AGMO: variants seen among roughly 807,000 people sequenced by gnomAD.
The protein encoded by AGMO is glyceryl-ether monooxygenase.
Under a neutral mutation model 60.2 loss-of-function variants are expected in AGMO, and 75 were observed. The ratio of observed to expected loss-of-function variants is 1.25; its 90% confidence interval spans 1.03 to 1.51. The LOEUF is 1.51. Ranked by LOEUF, AGMO falls within the 40% of genes most tolerant of loss-of-function variation. The probability of loss-of-function intolerance (pLI) is 0.00; values close to 1 mark genes in which losing one functional copy is unlikely to be tolerated. For synonymous variants in AGMO, 261 were observed against 177.1 expected (o/e 1.47, Z -3.76); for missense variants, 763 against 525.5 (o/e 1.45, Z -4.42).
chr7:15,198,223 G>GAGAGAGAGAGAGAC (rs1781173808), downstream of AGMO, among the ~76,000 whole-genome samples: 1 of 111,616 alleles, frequency 9.0e-6, no homozygotes, highest in African/African-American at 4.3e-5. Flanking sequence ...GAGAGAGAGA[G>GAGAGAGAGAGAGAC]AGAGAGAGAG....
intron 12 of AGMO, among the ~76,000 whole-genome samples, chr7:15,347,279 G>A (rs2128552317): frequency 6.6e-6 from 1 of 152,056 alleles, no homozygotes; most frequent in South Asian, 2.1e-4. Flanking sequence ...CGTGTAACTG[G>A]CCAACAAACT....
At chr7:15,372,766 A>G (rs1312897107) in intron 10 of AGMO, among the ~76,000 whole-genome samples, 1 of 152,116 alleles carries the variant, frequency 6.6e-6, no homozygotes, top group Non-Finnish European at 1.5e-5. Context: ...CATTTAATTT[A>G]CTCCCATTTC....
At chr7:15,325,539 C>T (rs1781311540) in intron 12 of AGMO, among the ~76,000 whole-genome samples, 1 of 152,012 alleles carries the variant, frequency 6.6e-6, no homozygotes, top group South Asian at 2.1e-4. Flanking sequence ...CATTACACAC[C>T]TATACATGCA....
At position 15,508,100 on chromosome 7, in the gene AGMO, C is replaced by T. The variant is rs139842243; in HGVS notation, c.409+36672G>A. Reference sequence around the variant, plus strand: ...TAAAATAGCACCAAAAGGGAGTTTCCGGAGAGGAAAATTATTCCAGATGAG... The same window carrying T: ...TAAAATAGCACCAAAAGGGAGTTTCTGGAGAGGAAAATTATTCCAGATGAG... On this transcript the variant is annotated intron_variant, in intron 3 of 12. Coordinates refer to ENST00000342526, the MANE Select transcript of AGMO (RefSeq NM_001004320.2). Among the ~76,000 whole-genome samples the T allele has an allele frequency of 3.2e-4, 49 of 151,896 alleles. No individual in the cohort carries two copies. In the East Asian group the frequency reaches 6.8e-3, roughly 21 times the overall value.
At chr7:15,176,641 C>T in the AGMO span, among the ~76,000 whole-genome samples, 2 of 151,818 alleles carry the variant, frequency 1.3e-5, no homozygotes, top group African/African-American at 2.4e-5. Context: ...AATTAATTAA[C>T]ACATCCTTCA....
At chr7:15,418,158 G>C (rs906584381) in intron 5 of AGMO, among the ~76,000 whole-genome samples, 4 of 151,902 alleles carry the variant, frequency 2.6e-5, no homozygotes, top group African/African-American at 7.2e-5. Flanking sequence ...CAATTTTTAA[G>C]GGTGTTTCAA....
At chr7:15,395,400 G>A (rs1373051444) in intron 5 of AGMO, among the ~76,000 whole-genome samples, 2 of 151,988 alleles carry the variant, frequency 1.3e-5, no homozygotes, top group Non-Finnish European at 2.9e-5. Flanking sequence ...TTTAGATATC[G>A]ATTTGAACAA....
chr7:15,273,400 CTTGT>C (rs1783677593), intron 12 of AGMO, among the ~76,000 whole-genome samples: 1 of 152,080 alleles, frequency 6.6e-6, no homozygotes. Context: ...TTCCTCATTT[CTTGT>C]TTTTGTCAGG....
intron 3 of AGMO, among the ~76,000 whole-genome samples, chr7:15,535,019 T>TCA (rs1382864621): frequency 6.6e-6 from 1 of 152,010 alleles, no homozygotes; most frequent in Admixed American, 6.6e-5. Flanking sequence ...TCATTTAAAC[T>TCA]TCTCAAGTAG....
the AGMO span, among the ~76,000 whole-genome samples, chr7:15,193,553 TTATTA>T: frequency 6.6e-6 from 1 of 152,172 alleles, no homozygotes; most frequent in Non-Finnish European, 1.5e-5. Flanking sequence ...GTTGGAACTC[TTATTA>T]TATAATTTGT....
At chr7:15,214,353 G>C (rs892767787) in intron 12 of AGMO, among the ~76,000 whole-genome samples, 1 of 151,952 alleles carries the variant, frequency 6.6e-6, no homozygotes, top group African/African-American at 2.4e-5. Flanking sequence ...CTAAGTAAAA[G>C]CAAAAGAGAC....
chr7:15,228,815 A>C lies in AGMO; in HGVS notation c.1264-27456T>G, dbSNP rs367966936. On this transcript the variant is annotated intron_variant, in intron 12 of 12. Coordinates refer to ENST00000342526, the MANE Select transcript of AGMO (RefSeq NM_001004320.2). ...TCTGTAGGCATTCTCATCCAGGAGAAAAATTAGCCAATCATGGATCTGGAT... is the reference window on the plus strand; with the variant it reads ...TCTGTAGGCATTCTCATCCAGGAGACAAATTAGCCAATCATGGATCTGGAT... Among the ~76,000 whole-genome samples, 5 of 152,266 alleles carry C rather than the reference A, an allele frequency of 3.3e-5. No homozygotes were observed. The East Asian group carries it at 5.8e-4, about 18-fold the overall frequency.
At chr7:15,502,469 C>T (rs1275699815) in intron 3 of AGMO, among the ~76,000 whole-genome samples, 2 of 151,924 alleles carry the variant, frequency 1.3e-5, no homozygotes, top group Non-Finnish European at 2.9e-5. Context: ...AAGCAGTGGT[C>T]CTCAGCATAT....
intron 12 of AGMO, among the ~76,000 whole-genome samples, chr7:15,335,500 G>C (rs1781629687): frequency 6.6e-6 from 1 of 151,994 alleles, no homozygotes; most frequent in African/African-American, 2.4e-5. Flanking sequence ...TGATTTTATG[G>C]TGCCTAGATT....
chr7:15,141,642 T>C, the AGMO span, among the ~76,000 whole-genome samples: 1 of 152,134 alleles, frequency 6.6e-6, no homozygotes, highest in Admixed American at 6.5e-5. Flanking sequence ...AGACCTAGTT[T>C]AGTTTTATTT....
At chr7:15,167,580 T>C in the AGMO span, among the ~76,000 whole-genome samples, 1 of 152,230 alleles carries the variant, frequency 6.6e-6, no homozygotes, top group African/African-American at 2.4e-5. Flanking sequence ...TAACACATTT[T>C]AGCCATTCAC....
intron 6 of AGMO, among the ~76,000 whole-genome samples, chr7:15,391,550 TAAGAAA>T (rs765020876): frequency 1.2e-4 from 19 of 152,230 alleles, no homozygotes; most frequent in Non-Finnish European, 1.8e-4. Flanking sequence ...CTGTAAATCT[TAAGAAA>T]AAGAATAATT....
At chr7:15,303,354 CT>C (rs921286552) in intron 12 of AGMO, among the ~76,000 whole-genome samples, 12 of 151,292 alleles carry the variant, frequency 7.9e-5, no homozygotes, top group Non-Finnish European at 1.6e-4. Flanking sequence ...AAATAAAGAT[CT>C]TTTTTAACAT....
At chr7:15,481,792 T>C (rs1428952849) in intron 3 of AGMO, among the ~76,000 whole-genome samples, 1 of 144,190 alleles carries the variant, frequency 6.9e-6, no homozygotes, top group Non-Finnish European at 1.5e-5. Flanking sequence ...TAAATGTATT[T>C]TTTTTTTTTT....
Sources: gnomAD v4.1 joint callset for allele counts (sites outside exome capture counted in the v4.1 genomes callset) on GRCh38, gnomAD v4.1.1 for gene constraint, MANE v1.5 for transcripts, NCBI Gene and HGNC (gene_info 2026-07-23, HGNC 2026-07-21) for gene names.